TIAM1: variants seen among roughly 807,000 people sequenced by gnomAD.
TIAM1 encodes the protein rho guanine nucleotide exchange factor TIAM1.
A neutral mutation model predicts 163.5 loss-of-function variants in TIAM1; 65 were observed. The ratio of observed to expected loss-of-function variants is 0.40; its 90% confidence interval spans 0.33 to 0.49. The LOEUF is 0.49. Among genes scored for constraint, TIAM1 ranks in the 20% least tolerant of loss-of-function variants. The pLI, the probability that TIAM1 is intolerant of heterozygous loss-of-function variation, is 0.77. For missense variants in TIAM1, 1,789 were observed against 2,044.7 expected (o/e 0.87, Z 2.41); for synonymous variants, 833 against 810.1 (o/e 1.03, Z -0.48).
At chr21:31,220,500 T>TA (rs961909130) in intron 8 of TIAM1, among the ~76,000 whole-genome samples, 62 of 151,798 alleles carry the variant, frequency 4.1e-4, no homozygotes, top group African/African-American at 1.4e-3. Context: ...AAGTATAATG[T>TA]AAAAAAAAGA....
chr21:31,544,880 G>A (rs1008987604), intron 1 of TIAM1, among the ~76,000 whole-genome samples: 3 of 152,138 alleles, frequency 2.0e-5, no homozygotes, highest in Non-Finnish European at 2.9e-5. Context: ...AGGCGTGGCA[G>A]CATGCGCCTG....
At chr21:31,349,302 G>A (rs1242840924) in intron 2 of TIAM1, among the ~76,000 whole-genome samples, 1 of 152,198 alleles carries the variant, frequency 6.6e-6, no homozygotes, top group African/African-American at 2.4e-5. Flanking sequence ...AAAGGGTGAA[G>A]GGAAAAGGGA....
At chr21:31,505,899 C>T (rs1671473502) in intron 1 of TIAM1, among the ~76,000 whole-genome samples, 1 of 150,102 alleles carries the variant, frequency 6.7e-6, no homozygotes, top group Admixed American at 6.7e-5. Flanking sequence ...GTCCCAGCTA[C>T]TTGGGAGGCT....
chr21:31,217,655 C>T lies in TIAM1; in HGVS notation c.2040G>A (p.Gln680=), dbSNP rs1347734839. 6.2e-7 allele frequency: 1 copy of T among 1,613,892 alleles called. No homozygotes were observed. Among genetic ancestry groups the T allele is most frequent in the Non-Finnish European group, 8.5e-7 (1 of 1,179,980 alleles). The change falls in exon 9 of 28, where the codon CAG becomes CAA. Residue 680 remains glutamine (Q), a synonymous_variant. Transcript: ENST00000541036. ...TGETGVRRRT[Q]AMSRSASKRR... is the part of the protein sequence containing the mutation. ...GCTTGCTCGCGGATCTGGACATGGC[C>T]TGAGTACGTCTTCTCACTCCAGTTT...
intron 2 of TIAM1, among the ~76,000 whole-genome samples, chr21:31,410,306 GAC>G (rs1195895239): frequency 2.6e-5 from 4 of 151,782 alleles, no homozygotes; most frequent in South Asian, 4.2e-4. Context: ...TGTGTAATGA[GAC>G]AGTGTGTGTG....
At chr21:31,208,335 C>G (rs1237777247) in intron 11 of TIAM1, among the ~76,000 whole-genome samples, 1 of 152,174 alleles carries the variant, frequency 6.6e-6, no homozygotes, top group Non-Finnish European at 1.5e-5. Context: ...CTGGAAACAC[C>G]TTCCAGAGTT....
At chr21:31,298,986 G>A (rs557249733) in intron 2 of TIAM1, among the ~76,000 whole-genome samples, 162 of 152,180 alleles carry the variant, frequency 1.1e-3, no homozygotes, top group Non-Finnish European at 1.9e-3. Context: ...GGCGTAGGGC[G>A]AACAGGAACA....
intron 15 of TIAM1, among the ~76,000 whole-genome samples, chr21:31,165,865 G>A (rs2084188280): frequency 6.6e-6 from 1 of 152,194 alleles, no homozygotes; most frequent in Non-Finnish European, 1.5e-5. Context: ...TTTTTGCCAT[G>A]TCTGGCAAAC....
chr21:31,141,460 G>A lies in TIAM1; in HGVS notation c.3520C>T (p.Pro1174Ser). The change falls in exon 21 of 28, where the codon CCG becomes TCG. Residue 1174 changes from proline to serine, a missense_variant. Around this residue, in one of 5 missense-constraint regions of TIAM1, gnomAD observed 60 missense variants for 132.6 expected, o/e 0.45. Transcript: ENST00000541036. This position sits in a 1 kb window ranked among gnomAD's most constrained non-coding sequence, Gnocchi z 4.7. ...AFKAFLDAQN[P>S]KQQHSSTLES... ...AGCGTGGATGAGTGCTGCTGCTTCG[G>A]GTTCTGGGCATCCAAGAATGCCTTG... is the stretch of plus-strand genomic sequence containing the variant. The A allele has an allele frequency of 6.2e-7, 1 of 1,614,194 alleles. No individual in the cohort carries two copies. The highest frequency in any genetic ancestry group is 8.5e-7 in the Non-Finnish European group (1 of 1,180,042).
intron 2 of TIAM1, among the ~76,000 whole-genome samples, chr21:31,398,158 CAAAAAAAAAAAAA>C (rs34895602): frequency 4.2e-3 from 223 of 52,530 alleles, no homozygotes; most frequent in African/African-American, 0.013. Context: ...ATCTTCAGGG[CAAAAAAAAAAAAA>C]AAAAAAAAAG....
At chr21:31,170,917 T>TCC (rs2084474595) in intron 15 of TIAM1, among the ~76,000 whole-genome samples, 1 of 151,120 alleles carries the variant, frequency 6.6e-6, no homozygotes. Flanking sequence ...GCACCTATAA[T>TCC]CCCAGCTACT....
intron 13 of TIAM1, among the ~76,000 whole-genome samples, chr21:31,194,458 A>T (rs924821732): frequency 2.0e-5 from 3 of 152,228 alleles, no homozygotes; most frequent in Admixed American, 6.5e-5. Flanking sequence ...CTCAAAATTT[A>T]TAGTTTTCGG....
chr21:31,360,596 A>C (rs2076391693), intron 2 of TIAM1, among the ~76,000 whole-genome samples: 1 of 152,210 alleles, frequency 6.6e-6, no homozygotes, highest in Non-Finnish European at 1.5e-5. Context: ...TAAACAAGAC[A>C]ATAAAATGCA....
intron 2 of TIAM1, among the ~76,000 whole-genome samples, chr21:31,399,463 A>G (rs2077128173): frequency 6.6e-6 from 1 of 152,248 alleles, no homozygotes; most frequent in African/African-American, 2.4e-5. Context: ...AAAGAAAGGA[A>G]ATTGCTTCTT....
chr21:31,338,966 A>C (rs1285219363), intron 2 of TIAM1, among the ~76,000 whole-genome samples: 2 of 152,150 alleles, frequency 1.3e-5, no homozygotes, highest in Admixed American at 1.3e-4. Flanking sequence ...CAGACAAAAG[A>C]GAAGTCAGAA....
At chr21:31,316,547 C>T (rs982875229) in intron 2 of TIAM1, among the ~76,000 whole-genome samples, 7 of 152,208 alleles carry the variant, frequency 4.6e-5, no homozygotes, top group African/African-American at 1.2e-4. Flanking sequence ...TAAGCTCTGT[C>T]GCTAAGAAGT....
chr21:31,226,935 T>C (rs2088013541), intron 6 of TIAM1, among the ~76,000 whole-genome samples: 2 of 151,530 alleles, frequency 1.3e-5, no homozygotes, highest in Non-Finnish European at 2.9e-5. Flanking sequence ...AGTGATGGCT[T>C]GTATACAAAA....
At chr21:31,212,321 A>T (rs8129548) in intron 10 of TIAM1, among the ~76,000 whole-genome samples, 13,726 of 151,978 alleles carry the variant, frequency 0.09, 1,925 homozygotes, top group African/African-American at 0.3. Context: ...CACTACTTGG[A>T]TGCATGGCAA....
At chr21:31,211,762 T>C (rs1334844765) in intron 10 of TIAM1, among the ~76,000 whole-genome samples, 1 of 152,230 alleles carries the variant, frequency 6.6e-6, no homozygotes, top group African/African-American at 2.4e-5. Flanking sequence ...TCTGTTCCAG[T>C]GTGCCACATT....
Sources: allele counts gnomAD v4.1 joint callset (sites outside exome capture counted in the v4.1 genomes callset), GRCh38; gene constraint gnomAD v4.1.1; regional missense constraint gnomAD v4.1.1; non-coding constraint Gnocchi (gnomAD v3.1); transcripts MANE v1.5; gene names NCBI Gene and HGNC (gene_info 2026-07-23, HGNC 2026-07-21).